SEH1L: variants seen among roughly 807,000 people sequenced by gnomAD.
SEH1L encodes the protein nucleoporin SEH1.
Under a neutral mutation model 49.5 loss-of-function variants are expected in SEH1L, and 18 were observed. The observed-to-expected ratio is 0.36, with a 90% CI of 0.25 to 0.54. The LOEUF (loss-of-function observed/expected upper bound fraction) is 0.54, where lower values mean the gene tolerates loss of function less well. Among genes scored for constraint, SEH1L ranks in the 20% least tolerant of loss-of-function variants. The pLI is 0.87. For missense variants in SEH1L, 404 were observed against 528.8 expected (o/e 0.76, Z 2.31); for synonymous variants, 169 against 178.1 (o/e 0.95, Z 0.41).
intron 3 of SEH1L, among the ~76,000 whole-genome samples, chr18:12,961,824 G>A (rs564404447): frequency 3.3e-5 from 5 of 152,142 alleles, no homozygotes; most frequent in South Asian, 2.1e-4. Context: ...CCGCCACAAT[G>A]TCTGGCTAAT....
chr18:12,955,515 A>G lies in SEH1L; in HGVS notation c.215A>G (p.Gln72Arg), dbSNP rs1037831333. 1.2e-6 allele frequency: 2 copies of G among 1,609,134 alleles called. No individual in the cohort carries two copies. The highest frequency in any genetic ancestry group is 1.7e-6 in the Non-Finnish European group (2 of 1,178,370). Reference sequence around the variant, plus strand: ...ACATGGGCCCATCCTGAATTTGGGCAGGTTTTGGCTTCCTGTTCTTTTGAC... The same window carrying G: ...ACATGGGCCCATCCTGAATTTGGGCGGGTTTTGGCTTCCTGTTCTTTTGAC... ...RVTWAHPEFGQVLASCSFDRT... is the reference protein window; with the variant it reads ...RVTWAHPEFGRVLASCSFDRT... The change falls in exon 3 of 9, where the codon CAG becomes CGG. Residue 72 changes from glutamine to arginine, a missense_variant. Physicochemically the swap from Gln to Arg is conservative, Grantham distance 43. Around this residue, in one of 3 missense-constraint regions of SEH1L, gnomAD observed 342 missense variants for 430.8 expected, o/e 0.79. Coordinates refer to ENST00000399892, the MANE Select transcript of SEH1L (RefSeq NM_001013437.2).
intron 3 of SEH1L, among the ~76,000 whole-genome samples, chr18:12,961,675 GT>G (rs199838049): frequency 6.6e-6 from 1 of 151,508 alleles, no homozygotes. Flanking sequence ...TATTGACTTA[GT>G]TTTTTTTTGA....
At chr18:12,958,344 C>T (rs937154564) in intron 3 of SEH1L, among the ~76,000 whole-genome samples, 1 of 152,014 alleles carries the variant, frequency 6.6e-6, no homozygotes, top group African/African-American at 2.4e-5. Context: ...CCTTGGCCTC[C>T]TGAAGTGCTG....
intron 4 of SEH1L, among the ~76,000 whole-genome samples, chr18:12,968,005 A>G (rs180782385): frequency 2.4e-4 from 37 of 152,300 alleles, no homozygotes; most frequent in African/African-American, 8.2e-4. Flanking sequence ...CAAGTGCAGA[A>G]TCTCTAAATA....
chr18:12,979,222 G>A (rs868683206), intron 6 of SEH1L, among the ~76,000 whole-genome samples: 3 of 148,606 alleles, frequency 2.0e-5, no homozygotes, highest in Non-Finnish European at 4.5e-5. Context: ...GCGGCCTTCT[G>A]CAGTGTTTGT....
intron 6 of SEH1L, 126 bp downstream of exon 6, chr18:12,979,018 A>G (rs2032044519): frequency 3.3e-6 from 3 of 915,258 alleles, no homozygotes; most frequent in East Asian, 2.5e-5. Context: ...TTTACTTAAA[A>G]ATGTAAACTT....
At chr18:12,957,180 C>A (rs2030918912) in intron 3 of SEH1L, among the ~76,000 whole-genome samples, 1 of 152,228 alleles carries the variant, frequency 6.6e-6, no homozygotes, top group Non-Finnish European at 1.5e-5. Context: ...ATAATCCCAG[C>A]ACTTTAGGAG....
intron 7 of SEH1L, chr18:12,983,221 T>C (rs548634796): frequency 3.3e-5 from 5 of 152,528 alleles, no homozygotes; most frequent in African/African-American, 1.2e-4. Context: ...TGATTATCCA[T>C]TAGGCAGAGA....
At chr18:12,955,724 C>A in intron 3 of SEH1L, 115 bp downstream of exon 3, 2 of 1,079,884 alleles carry the variant, frequency 1.9e-6, no homozygotes, top group Non-Finnish European at 2.7e-6. Flanking sequence ...CTAGTTTTAC[C>A]AGTTCTAAAG....
intron 8 of SEH1L, chr18:12,985,556 A>G: frequency 3.5e-6 from 4 of 1,143,110 alleles, no homozygotes; most frequent in South Asian, 3.4e-5. Flanking sequence ...TTTAAAGATT[A>G]AAAGGGTTGT....
intron 5 of SEH1L, chr18:12,973,516 T>C (rs559337628): frequency 2.0e-5 from 3 of 152,366 alleles, no homozygotes; most frequent in African/African-American, 7.2e-5. Context: ...GCCAGGCTTG[T>C]CTTGAACTCC....
chr18:12,975,701 A>G, intron 5 of SEH1L: 1 of 985,896 alleles, frequency 1.0e-6, no homozygotes, highest in East Asian at 1.1e-4. Context: ...TGCAGGGTCC[A>G]GTAGAGTCAC....
intron 4 of SEH1L, among the ~76,000 whole-genome samples, chr18:12,968,059 C>A (rs185495353): frequency 2.0e-4 from 31 of 152,226 alleles, no homozygotes; most frequent in Admixed American, 1.3e-3. Flanking sequence ...CAGTTCTTTT[C>A]GTGTGCCTTG....
chr18:12,981,279 G>A (rs1192245316), intron 6 of SEH1L, among the ~76,000 whole-genome samples: 1 of 152,054 alleles, frequency 6.6e-6, no homozygotes, highest in Non-Finnish European at 1.5e-5. Flanking sequence ...AGGCAGAGAC[G>A]CTCCTCACTT....
chr18:12,948,027 T>G lies in SEH1L; in HGVS notation c.-95T>G. On this transcript the variant is annotated 5_prime_UTR_variant, in exon 1 of 9. Transcript: ENST00000399892. ...GGCGTGGGCAGCACAAGCCGTGCGCTCCCGGGCTGCGAGGTCTGGCTAGGC... is the reference window on the plus strand; with the variant it reads ...GGCGTGGGCAGCACAAGCCGTGCGCGCCCGGGCTGCGAGGTCTGGCTAGGC... 4.6e-6 allele frequency: 4 copies of G among 860,760 alleles called. No individual in the cohort carries two copies. The highest frequency in any genetic ancestry group is 7.3e-6 in the Non-Finnish European group (4 of 550,794). 53.3% of individuals were successfully genotyped at this position (860,760 alleles called of 1,614,324 possible).
At chr18:12,970,110 A>G (rs1490468627) in intron 4 of SEH1L, among the ~76,000 whole-genome samples, 1 of 152,124 alleles carries the variant, frequency 6.6e-6, no homozygotes, top group Non-Finnish European at 1.5e-5. Flanking sequence ...GTCAGTTACC[A>G]CATTTTGTTT....
chr18:12,953,644 G>A (rs2030681663), intron 2 of SEH1L, among the ~76,000 whole-genome samples: 1 of 151,994 alleles, frequency 6.6e-6, no homozygotes, highest in South Asian at 2.1e-4. Flanking sequence ...TTTGTGAAAG[G>A]TCTATCCAAG....
intron 7 of SEH1L, chr18:12,983,233 G>A (rs1005732512): frequency 6.6e-6 from 1 of 152,304 alleles, no homozygotes; most frequent in African/African-American, 2.4e-5. Context: ...AGGCAGAGAT[G>A]TCTGTGATTT....
At chr18:12,966,362 G>A (rs2031454696) in intron 4 of SEH1L, among the ~76,000 whole-genome samples, 1 of 152,010 alleles carries the variant, frequency 6.6e-6, no homozygotes, top group Non-Finnish European at 1.5e-5. Flanking sequence ...AAAGTGTTGG[G>A]ATTACAGGCG....
Sources: allele counts gnomAD v4.1 joint callset (sites outside exome capture counted in the v4.1 genomes callset), GRCh38; gene constraint gnomAD v4.1.1; regional missense constraint gnomAD v4.1.1; transcripts MANE v1.5; gene names NCBI Gene and HGNC (gene_info 2026-07-23, HGNC 2026-07-21).